Variants in GRM7 observed in about 807,000 individuals in gnomAD.
The protein encoded by GRM7 is glutamate metabotropic receptor 7.
A neutral mutation model predicts 84.5 loss-of-function variants in GRM7; 35 were observed. The ratio of observed to expected loss-of-function variants is 0.41; its 90% CI spans 0.32 to 0.55. GRM7 has a LOEUF of 0.55. GRM7 is among the 20% of genes least tolerant of loss of function. The pLI is 0.19. For synonymous variants in GRM7, 487 were observed against 455.1 expected (o/e 1.07, Z -0.89); for missense variants, 1,003 against 1,194.6 (o/e 0.84, Z 2.36).
intron 2 of GRM7, among the ~76,000 whole-genome samples, chr3:7,193,424 A>G (rs967645508): frequency 2.0e-5 from 3 of 152,154 alleles, no homozygotes; most frequent in Non-Finnish European, 4.4e-5. Context: ...AGGATGCAAC[A>G]TAAAACCTTG....
chr3:6,984,158 C>A (rs892095604), intron 1 of GRM7, among the ~76,000 whole-genome samples: 2 of 152,172 alleles, frequency 1.3e-5, no homozygotes, highest in East Asian at 3.9e-4. Flanking sequence ...CAGTTAGCCC[C>A]TGCTAAAATA....
At chr3:6,874,255 G>A (rs1695226138) in intron 1 of GRM7, among the ~76,000 whole-genome samples, 1 of 152,186 alleles carries the variant, frequency 6.6e-6, no homozygotes, top group Non-Finnish European at 1.5e-5. Flanking sequence ...CTCATTATCA[G>A]TAAGTAGCTG....
intron 7 of GRM7, among the ~76,000 whole-genome samples, chr3:7,482,989 T>C (rs749622039): frequency 4.6e-5 from 7 of 152,218 alleles, no homozygotes; most frequent in Non-Finnish European, 7.3e-5. Context: ...TGTTCAATAC[T>C]CCTAACAATT....
At chr3:7,617,234 C>T (rs561916048) in intron 8 of GRM7, among the ~76,000 whole-genome samples, 21 of 152,084 alleles carry the variant, frequency 1.4e-4, no homozygotes, top group Non-Finnish European at 2.4e-4. Flanking sequence ...AATAGGTTAA[C>T]GGGACAGAAT....
intron 9 of GRM7, among the ~76,000 whole-genome samples, chr3:7,696,136 A>G (rs991713617): frequency 6.6e-6 from 1 of 152,162 alleles, no homozygotes; most frequent in African/African-American, 2.4e-5. Context: ...GTTGTTCTTA[A>G]TACTCCCCAT....
intron 4 of GRM7, among the ~76,000 whole-genome samples, chr3:7,369,068 C>G (rs1694028157): frequency 6.6e-6 from 1 of 151,910 alleles, no homozygotes; most frequent in Non-Finnish European, 1.5e-5. Context: ...CTTTCTTTAT[C>G]TTTTTTAAGA....
At chr3:7,617,267 T>A (rs1191874652) in intron 8 of GRM7, among the ~76,000 whole-genome samples, 1 of 152,148 alleles carries the variant, frequency 6.6e-6, no homozygotes, top group Non-Finnish European at 1.5e-5. Flanking sequence ...AACAGACTCA[T>A]GCATATGAGA....
intron 1 of GRM7, among the ~76,000 whole-genome samples, chr3:7,087,549 A>G (rs948870019): frequency 6.6e-6 from 1 of 152,178 alleles, no homozygotes; most frequent in Non-Finnish European, 1.5e-5. Flanking sequence ...AGAAAGACAT[A>G]GACTTTTAAA....
chr3:7,393,341 A>G (rs1007725466), intron 4 of GRM7, among the ~76,000 whole-genome samples: 4 of 152,126 alleles, frequency 2.6e-5, no homozygotes, highest in Non-Finnish European at 5.9e-5. Flanking sequence ...TGTGAGCTTC[A>G]GGTGGCTTTG....
chr3:7,719,705 G>A (rs984369081), intron 9 of GRM7, among the ~76,000 whole-genome samples: 12 of 151,540 alleles, frequency 7.9e-5, no homozygotes, highest in African/African-American at 2.9e-4. Flanking sequence ...CCAGCTACTC[G>A]GGAGGCTGAG....
intron 1 of GRM7, among the ~76,000 whole-genome samples, chr3:7,129,077 T>C (rs2125051127): frequency 6.6e-6 from 1 of 152,306 alleles, no homozygotes. Flanking sequence ...ATAAAGACAG[T>C]ACTGTTAGGA....
chr3:7,657,671 G>A (rs1004097882), intron 8 of GRM7, among the ~76,000 whole-genome samples: 1 of 152,102 alleles, frequency 6.6e-6, no homozygotes, highest in Non-Finnish European at 1.5e-5. Context: ...CTCTCAGAAC[G>A]AATCACACGT....
intron 7 of GRM7, among the ~76,000 whole-genome samples, chr3:7,516,471 C>T (rs1295483575): frequency 2.1e-5 from 2 of 97,506 alleles, no homozygotes; most frequent in Non-Finnish European, 4.0e-5. Context: ...AGCGAGACTC[C>T]CTCTCAAAAA....
At chr3:7,492,103 T>A (rs1699540971) in intron 7 of GRM7, among the ~76,000 whole-genome samples, 1 of 152,192 alleles carries the variant, frequency 6.6e-6, no homozygotes, top group Non-Finnish European at 1.5e-5. Context: ...ATTGTCAGAT[T>A]TCATTTACAA....
intron 2 of GRM7, among the ~76,000 whole-genome samples, chr3:7,163,185 A>G (rs906273659): frequency 1.3e-5 from 2 of 152,194 alleles, no homozygotes; most frequent in African/African-American, 2.4e-5. Flanking sequence ...CCTGTCTCAC[A>G]CAGAGCTGTT....
intron 1 of GRM7, among the ~76,000 whole-genome samples, chr3:6,982,015 A>T (rs2124834171): frequency 6.6e-6 from 1 of 152,284 alleles, no homozygotes; most frequent in Non-Finnish European, 1.5e-5. Flanking sequence ...TCCCAGCACT[A>T]TTCACAATAG....
chr3:6,870,619 G>C (rs531237754), intron 1 of GRM7, among the ~76,000 whole-genome samples: 2 of 152,278 alleles, frequency 1.3e-5, no homozygotes, highest in African/African-American at 4.8e-5. Flanking sequence ...GGTATTGAGG[G>C]TAAGGGCAAA....
chr3:7,496,695 C>T (rs928721383), intron 7 of GRM7, among the ~76,000 whole-genome samples: 4 of 151,718 alleles, frequency 2.6e-5, no homozygotes, highest in Admixed American at 1.3e-4. Context: ...AATATAATGC[C>T]CTTGTTTCCA....
intron 1 of GRM7, among the ~76,000 whole-genome samples, chr3:7,033,629 T>C (rs933590260): frequency 7.9e-5 from 12 of 152,184 alleles, no homozygotes; most frequent in Admixed American, 7.9e-4. Context: ...AATGTCCTTT[T>C]TATGGTCAAA....
Sources: gnomAD v4.1 joint callset for allele counts (sites outside exome capture counted in the v4.1 genomes callset) on GRCh38, gnomAD v4.1.1 for gene constraint, MANE v1.5 for transcripts, NCBI Gene and HGNC (gene_info 2026-07-23, HGNC 2026-07-21) for gene names.